The following ELL variants were observed in gnomAD, a reference collection of about 807,000 sequenced individuals.
The protein encoded by ELL is RNA polymerase II elongation factor ELL.
In ELL, 18 loss-of-function variants were observed where a neutral mutation model predicts 64.0. The observed-to-expected ratio is 0.28, with a 90% confidence interval of 0.19 to 0.42. The LOEUF is 0.42. Ranked by LOEUF, ELL falls within the 10% of genes least tolerant of loss-of-function variation. The pLI is 1.00. For synonymous variants in ELL, 399 were observed against 376.2 expected, an observed-to-expected ratio of 1.06 and a Z score of -0.70; for missense variants, 797 against 870.4, an observed-to-expected ratio of 0.92 and a Z score of 1.06.
chr19:18,494,684 C>T (rs925162475), intron 1 of ELL, among the ~76,000 whole-genome samples: 6 of 152,208 alleles, frequency 3.9e-5, no homozygotes, highest in Admixed American at 2.6e-4. Flanking sequence ...TGAGCCACCG[C>T]ACCAGGCCAG....
At chr19:18,461,987 G>A (rs951084243) in intron 4 of ELL, 135 bp from the exon 5 acceptor site, 1 of 1,201,668 alleles carries the variant, frequency 8.3e-7, no homozygotes, top group African/African-American at 1.5e-5. Flanking sequence ...CACAGCAAAA[G>A]CCAGCTTGCT....
At chr19:18,479,649 C>A (rs1975253043) in intron 1 of ELL, among the ~76,000 whole-genome samples, 2 of 137,008 alleles carry the variant, frequency 1.5e-5, no homozygotes, top group South Asian at 4.5e-4. Flanking sequence ...GCGGAGGTTG[C>A]AGTGAGCTGA....
At position 18,502,132 on chromosome 19, in the gene ELL, C is replaced by A. The variant is rs183868161; in HGVS notation, c.135+19789G>T. ...TGCTCTACGCTAAGCTGCCTGGTGC[C>A]CCACAGCTCCACGGGGCAGGAGCAC... On this transcript the variant is annotated intron_variant, in intron 1 of 11. Coordinates refer to ENST00000262809, the MANE Select transcript of ELL (RefSeq NM_006532.4). Among the ~76,000 whole-genome samples the A allele has an allele frequency of 2.6e-5, 4 of 152,260 alleles. No individual in the cohort carries two copies. The East Asian group carries it at 7.7e-4, about 29-fold the overall frequency.
chr19:18,498,552 A>T (rs117177764), intron 1 of ELL, among the ~76,000 whole-genome samples: 2,393 of 152,282 alleles, frequency 0.016, 27 homozygotes, highest in Non-Finnish European at 0.024. Flanking sequence ...CACGACCAGG[A>T]CAGAAGGTCC....
At chr19:18,512,136 C>T (rs1306708663) in intron 1 of ELL, among the ~76,000 whole-genome samples, 1 of 147,262 alleles carries the variant, frequency 6.8e-6, no homozygotes, top group Non-Finnish European at 1.5e-5. Context: ...GTCTAGGCGA[C>T]AGAGTAAGAC....
chr19:18,476,635 G>A (rs948933643), intron 1 of ELL, among the ~76,000 whole-genome samples: 4 of 152,190 alleles, frequency 2.6e-5, no homozygotes, highest in African/African-American at 9.7e-5. Context: ...ATGCCTCAGA[G>A]GAGAAGGGCT....
intron 4 of ELL, among the ~76,000 whole-genome samples, chr19:18,464,111 G>A (rs753113571): frequency 3.3e-5 from 5 of 152,164 alleles, no homozygotes; most frequent in Non-Finnish European, 7.4e-5. Flanking sequence ...ACTCATGCCT[G>A]TAATCCCAGC....
At chr19:18,460,292 G>A (rs909239547) in intron 5 of ELL, among the ~76,000 whole-genome samples, 1 of 152,216 alleles carries the variant, frequency 6.6e-6, no homozygotes, top group African/African-American at 2.4e-5. Context: ...CAGCTGCTTG[G>A]GGGGAAGCAG....
Position 18,450,799 on chromosome 19 carries a change from G to C in ELL, c.1143C>G (p.Ser381Arg). The C allele has an allele frequency of 6.3e-7, 1 of 1,584,382 alleles. No homozygotes were observed. Among genetic ancestry groups the C allele is most frequent in the Non-Finnish European group, 8.6e-7 (1 of 1,165,092 alleles). ...PPASTDTLSS[S>R]THLPPRLEPP... Reference sequence around the variant, plus strand: ...GCTCCAGCCGCGGGGGCAGGTGAGTGCTGGAGCTGAGGGTGTCCGTGCTGG... The same window carrying C: ...GCTCCAGCCGCGGGGGCAGGTGAGTCCTGGAGCTGAGGGTGTCCGTGCTGG... The change falls in exon 8 of 12, where the codon AGC (serine) becomes AGG (arginine). Residue 381 changes from serine to arginine, a missense_variant. Coordinates refer to ENST00000262809, the MANE Select transcript of ELL (RefSeq NM_006532.4).
At chr19:18,514,431 G>A (rs1449305817) in intron 1 of ELL, among the ~76,000 whole-genome samples, 4 of 148,934 alleles carry the variant, frequency 2.7e-5, no homozygotes, top group Middle Eastern at 3.5e-3. Context: ...GGAGAATGGC[G>A]TGAACCTGGG....
chr19:18,493,895 T>A (rs74820491), intron 1 of ELL, among the ~76,000 whole-genome samples: 1 of 152,118 alleles, frequency 6.6e-6, no homozygotes, highest in Non-Finnish European at 1.5e-5. Context: ...CTGAAGACAA[T>A]TGAAAGGTGA....
intron 1 of ELL, among the ~76,000 whole-genome samples, chr19:18,513,917 C>T (rs531595113): frequency 2.0e-5 from 3 of 151,900 alleles, no homozygotes; most frequent in East Asian, 3.9e-4. Context: ...GGCGACAGAG[C>T]GAGACTCCAT....
intron 1 of ELL, among the ~76,000 whole-genome samples, chr19:18,491,249 ATTTTTTTTTTTTTTTTTTTTTTT>A (rs565016319): frequency 1.1e-3 from 83 of 72,474 alleles, no homozygotes; most frequent in Non-Finnish European, 1.3e-3. Flanking sequence ...CACCTGGCTA[ATTTTTTTTTTTTTTTTTTTTTTT>A]TTTTTTTTTT....
At chr19:18,454,470 G>A (rs1169517211) in intron 6 of ELL, among the ~76,000 whole-genome samples, 1 of 152,148 alleles carries the variant, frequency 6.6e-6, no homozygotes, top group Non-Finnish European at 1.5e-5. Flanking sequence ...CTGCACTCCA[G>A]CCTGGGTGAC....
At chr19:18,448,409 A>G (rs1468510783) in intron 8 of ELL, 1 of 151,814 alleles carries the variant, frequency 6.6e-6, no homozygotes, top group African/African-American at 2.4e-5. Flanking sequence ...AGTTTCTAAC[A>G]CTCCCCACTT....
At chr19:18,457,051 C>A (rs371321232) in intron 6 of ELL, among the ~76,000 whole-genome samples, 2 of 152,120 alleles carry the variant, frequency 1.3e-5, no homozygotes, top group African/African-American at 2.4e-5. Context: ...GCCCCCTGCA[C>A]GCTAGTGGAA....
chr19:18,515,771 C>A (rs1047044340), intron 1 of ELL, among the ~76,000 whole-genome samples: 1 of 152,228 alleles, frequency 6.6e-6, no homozygotes, highest in Non-Finnish European at 1.5e-5. Flanking sequence ...GACTCCCCTT[C>A]AGGTCAAGAC....
chr19:18,502,859 T>C (rs1385448984), intron 1 of ELL, among the ~76,000 whole-genome samples: 1 of 151,970 alleles, frequency 6.6e-6, no homozygotes. Context: ...CAAAAGCCCC[T>C]GTCTTGGGAA....
chr19:18,520,054 T>G (rs562631703), intron 1 of ELL, among the ~76,000 whole-genome samples: 8 of 152,146 alleles, frequency 5.3e-5, no homozygotes, highest in Admixed American at 2.6e-4. Context: ...CACCCTAACA[T>G]GAGGAAGATC....
Sources: gnomAD v4.1 joint callset for allele counts (sites outside exome capture counted in the v4.1 genomes callset) on GRCh38, gnomAD v4.1.1 for gene constraint, MANE v1.5 for transcripts, NCBI Gene and HGNC (gene_info 2026-07-23, HGNC 2026-07-21) for gene names.